Variants in FGR observed in about 807,000 individuals in gnomAD.
The protein encoded by FGR is FGR proto-oncogene, Src family tyrosine kinase.
A neutral mutation model predicts 63.2 loss-of-function variants in FGR; 26 were observed. The ratio of observed to expected loss-of-function variants is 0.41; its 90% confidence interval spans 0.30 to 0.57. FGR has a LOEUF of 0.57. Among genes scored for constraint, FGR ranks in the 20% least tolerant of loss-of-function variants. The probability of loss-of-function intolerance (pLI) is 0.27; values close to 1 mark genes in which losing one functional copy is unlikely to be tolerated. For synonymous variants in FGR, 286 were observed against 277.7 expected (o/e 1.03, Z -0.30); for missense variants, 511 against 690.8 (o/e 0.74, Z 2.92).
At chr1:27,631,170 G>A (rs1175731788) in intron 1 of FGR, among the ~76,000 whole-genome samples, 1 of 152,194 alleles carries the variant, frequency 6.6e-6, no homozygotes, top group African/African-American at 2.4e-5. Context: ...ATTAATTCAA[G>A]TCCAGAGTTC....
At chr1:27,619,495 C>G (rs191558449) in intron 5 of FGR, among the ~76,000 whole-genome samples, 1 of 152,122 alleles carries the variant, frequency 6.6e-6, no homozygotes, top group African/African-American at 2.4e-5. Context: ...CCAGCCCCCT[C>G]CTATATAGCC....
In FGR at chr1:27,623,752, G is replaced by C; in HGVS notation, c.165C>G (p.Asn55Lys). ...SSFAHIPNYS[N>K]FSSQAINPGF... ...CAGGGTTGATGGCCTGAGAGGAGAA[G>C]TTGCTGTAGTTGGGGATGTGGGCAA... The change falls in exon 3 of 13, where the codon AAC (asparagine) becomes AAG (lysine). Residue 55 changes from asparagine to lysine, a missense_variant. Transcript: ENST00000374005. The C allele has an allele frequency of 6.2e-7, 1 of 1,614,248 alleles. No individual in the cohort carries two copies. The highest frequency in any genetic ancestry group is 8.5e-7 in the Non-Finnish European group (1 of 1,180,044).
At chr1:27,622,187 C>T (rs1191326285) in intron 4 of FGR, among the ~76,000 whole-genome samples, 2 of 151,482 alleles carry the variant, frequency 1.3e-5, no homozygotes, top group African/African-American at 4.9e-5. Context: ...GTGGCTCTTG[C>T]CTGTAGTCCC....
At chr1:27,629,360 G>A (rs1007763487) in intron 1 of FGR, among the ~76,000 whole-genome samples, 2 of 152,176 alleles carry the variant, frequency 1.3e-5, no homozygotes, top group African/African-American at 4.8e-5. Context: ...ACTCCCCTGA[G>A]CCAGTAAGTA....
In FGR at chr1:27,617,382, T is replaced by C; in HGVS notation, c.429-86A>G. The C allele has an allele frequency of 1.1e-6, 1 of 933,664 alleles. No individual in the cohort carries two copies. Among genetic ancestry groups the C allele is most frequent in the Non-Finnish European group, 1.7e-6 (1 of 578,056 alleles). 57.8% of individuals were successfully genotyped at this position (933,664 alleles called of 1,614,324 possible). A position where few individuals can be genotyped will look rare whatever the true frequency, so the allele number is the denominator to read the frequency against. On this transcript the variant is annotated intron_variant, in intron 5 of 12. Coordinates refer to ENST00000374005, the MANE Select transcript of FGR (RefSeq NM_005248.3). The surrounding 1 kb of genome is among the most constrained non-coding windows in gnomAD (Gnocchi z 4.5). ...GCACAGTCACCTCACAAGCCAAGAC[T>C]CCATTTTCCCCATGTGTAAAATGGG...
At position 27,617,266 on chromosome 1, in the gene FGR, A is replaced by G; in HGVS notation, c.459T>C (p.Asp153=). The change falls in exon 6 of 13, where the codon GAT becomes GAC. Residue 153 remains aspartate, a synonymous_variant. Coordinates refer to ENST00000374005, the MANE Select transcript of FGR (RefSeq NM_005248.3). This position sits in a 1 kb window ranked among gnomAD's most constrained non-coding sequence, Gnocchi z 4.5. ...CTGGTGAAAGCAGCTGCCTCTCTGCATCCTTTCTCCCAATCTTTCCAAAGT... is the reference window on the plus strand; with the variant it reads ...CTGGTGAAAGCAGCTGCCTCTCTGCGTCCTTTCTCCCAATCTTTCCAAAGT... ...EWYFGKIGRK[D]AERQLLSPGN... 1 of 1,614,162 alleles carries G rather than the reference A, an allele frequency of 6.2e-7. No individual in the cohort carries two copies. The highest frequency in any genetic ancestry group is 8.5e-7 in the Non-Finnish European group (1 of 1,179,998).
At chr1:27,623,194 A>G in intron 3 of FGR, 50 bp from the exon 4 acceptor site, 6 of 1,395,448 alleles carry the variant, frequency 4.3e-6, no homozygotes, top group Non-Finnish European at 6.1e-6. Flanking sequence ...CAGAAGCACC[A>G]AGGGGGCTGC....
chr1:27,626,211 C>T (rs917406947), intron 1 of FGR: 6 of 398,572 alleles, frequency 1.5e-5, no homozygotes, highest in Non-Finnish European at 2.2e-5. Flanking sequence ...CCACACCCTG[C>T]CAGAAACATT....
intron 1 of FGR, among the ~76,000 whole-genome samples, chr1:27,629,529 G>C (rs1011179151): frequency 6.6e-6 from 1 of 152,142 alleles, no homozygotes; most frequent in Non-Finnish European, 1.5e-5. Flanking sequence ...GAGACAAGGA[G>C]GGAAAAAGAC....
intron 2 of FGR, 150 bp from the exon 3 acceptor site, chr1:27,624,079 G>A (rs1052544116): frequency 1.6e-5 from 10 of 623,336 alleles, no homozygotes; most frequent in Admixed American, 6.0e-5. Context: ...GGATAAAGGC[G>A]GAACTGGGCC....
intron 1 of FGR, among the ~76,000 whole-genome samples, chr1:27,627,180 A>G (rs575550137): frequency 6.6e-6 from 1 of 151,924 alleles, no homozygotes; most frequent in Non-Finnish European, 1.5e-5. Context: ...TCTATTTTAA[A>G]AAGAAAACAG....
Position 27,623,024 on chromosome 1 carries a change from G to C in FGR, c.329+18C>G. Reference sequence around the variant, plus strand: ...CCCAGCCCAGGCAATGTTCTGACTAGGTGGCCTGGTCACTTACGTATTGTT... The same window carrying C: ...CCCAGCCCAGGCAATGTTCTGACTACGTGGCCTGGTCACTTACGTATTGTT... On this transcript the variant is annotated intron_variant, in intron 4 of 12. Coordinates refer to ENST00000374005, the MANE Select transcript of FGR (RefSeq NM_005248.3). 2 of 1,567,366 alleles carry C rather than the reference G, an allele frequency of 1.3e-6. No individual in the cohort carries two copies. Among genetic ancestry groups the C allele is most frequent in the Non-Finnish European group, 1.8e-6 (2 of 1,137,276 alleles).
rs530162319 is a variant in FGR, at chr1:27,634,740, T to C, written c.-77+325A>G. 2.0e-5 allele frequency among the ~76,000 whole-genome samples: 3 copies of C among 151,622 alleles called. No individual in the cohort carries two copies. In the East Asian group the frequency reaches 5.8e-4, roughly 30 times the overall value. On this transcript the variant is annotated intron_variant, in intron 1 of 12. Coordinates refer to ENST00000374005, the MANE Select transcript of FGR (RefSeq NM_005248.3). Reference sequence around the variant, plus strand: ...CGTCCTGGGGATTCCCCTTAATCCTTCTCCCCCACCTCAGCCCCCTTCCTA... The same window carrying C: ...CGTCCTGGGGATTCCCCTTAATCCTCCTCCCCCACCTCAGCCCCCTTCCTA...
In FGR at chr1:27,615,053, C is replaced by CCTCA. The variant is rs2089779294; in HGVS notation, c.1019-131_1019-128dup. The CCTCA allele has an allele frequency of 1.4e-6, 1 of 705,446 alleles. No homozygotes were observed. The highest frequency in any genetic ancestry group is 2.2e-5 in the Admixed American group (1 of 45,548). The allele number at this position is 705,446 out of a possible 1,614,324, so 43.7% of individuals were successfully genotyped here. On this transcript the variant is annotated intron_variant, in intron 9 of 12. Coordinates refer to ENST00000374005, the MANE Select transcript of FGR (RefSeq NM_005248.3). The surrounding 1 kb of genome is among the most constrained non-coding windows in gnomAD (Gnocchi z 7.6). Reference sequence around the variant, plus strand: ...CCCCTCACTTAGGACCCCGCGGGTGCCTCAACCCCTCACTTGTCTCGTCCT... The same window carrying CCTCA: ...CCCCTCACTTAGGACCCCGCGGGTGCCTCACTCAACCCCTCACTTGTCTCGTCCT...
At chr1:27,624,153 C>T (rs528173300) in intron 2 of FGR, 2 of 496,510 alleles carry the variant, frequency 4.0e-6, no homozygotes, top group South Asian at 7.3e-5. Context: ...TTCCCATTGG[C>T]TCATGTCTAT....
At chr1:27,613,941 T>C (rs1256133563) in intron 11 of FGR, among the ~76,000 whole-genome samples, 1 of 152,166 alleles carries the variant, frequency 6.6e-6, no homozygotes, top group African/African-American at 2.4e-5. Flanking sequence ...GTGATATGCA[T>C]GCATTAACTC....
rs1295560607 is a variant in FGR at position 27,615,622 on chromosome 1, A to T, written c.839-9T>A. 2 of 1,603,144 alleles carry T rather than the reference A, an allele frequency of 1.2e-6. No individual in the cohort carries two copies. The highest frequency in any genetic ancestry group is 1.7e-6 in the Non-Finnish European group (2 of 1,171,204). ...GCTGCCGTTCCACGTGCCTGCTCGG[A>T]GGCTGTCTTGTCAGGACCCTCTCCC... On this transcript the variant is annotated splice_polypyrimidine_tract_variant and intron_variant, in intron 8 of 12. Coordinates refer to ENST00000374005, the MANE Select transcript of FGR (RefSeq NM_005248.3). The surrounding 1 kb of genome is among the most constrained non-coding windows in gnomAD (Gnocchi z 7.6).
At chr1:27,628,176 A>C (rs546296733) in intron 1 of FGR, among the ~76,000 whole-genome samples, 48 of 151,186 alleles carry the variant, frequency 3.2e-4, no homozygotes, top group Non-Finnish European at 5.7e-4. Flanking sequence ...TGTCTCAAAA[A>C]AAAAAAAAAC....
At chr1:27,631,251 T>C (rs1206495636) in intron 1 of FGR, among the ~76,000 whole-genome samples, 2 of 152,176 alleles carry the variant, frequency 1.3e-5, no homozygotes, top group African/African-American at 2.4e-5. Flanking sequence ...CTAGTGAATG[T>C]CATACTTCCG....
Sources: gnomAD v4.1 joint callset for allele counts (sites outside exome capture counted in the v4.1 genomes callset) on GRCh38, gnomAD v4.1.1 for gene constraint, Gnocchi (gnomAD v3.1) non-coding constraint, MANE v1.5 for transcripts, NCBI Gene and HGNC (gene_info 2026-07-23, HGNC 2026-07-21) for gene names.